KIRREL3: variants seen among roughly 807,000 people sequenced by gnomAD.
KIRREL3 encodes kirre like nephrin family adhesion molecule 3, also known as kin of IRRE-like protein 3.
KIRREL3 carries 36 observed loss-of-function variants against 89.7 expected under a neutral mutation model. The observed-to-expected ratio is 0.40, with a 90% CI of 0.31 to 0.53. The LOEUF is 0.53. KIRREL3 is among the 20% of genes least tolerant of loss of function. The pLI is 0.49. For synonymous variants in KIRREL3, 445 were observed against 441.4 expected, an observed-to-expected ratio of 1.01 and a Z score of -0.10; for missense variants, 864 against 1,056.6, an observed-to-expected ratio of 0.82 and a Z score of 2.53.
intron 1 of KIRREL3, among the ~76,000 whole-genome samples, chr11:126,774,747 C>T (rs1421952195): frequency 2.0e-5 from 3 of 152,160 alleles, no homozygotes; most frequent in African/African-American, 7.2e-5. Context: ...TTGGTTTCTC[C>T]AGGGCAGGGC....
rs1940119496 is a variant in KIRREL3, at chr11:126,561,500, G to A, written c.133+1335C>T. On this transcript the variant is annotated intron_variant, in intron 2 of 16. Transcript: ENST00000525144. The surrounding 1 kb of genome is among the most constrained non-coding windows in gnomAD (Gnocchi z 4.5). ...TCAGCACCACGGACAGAGGCACGCT[G>A]TCAGTTCCCACAAATTAGAAGTTAC... is the stretch of plus-strand genomic sequence containing the variant. 6.6e-6 allele frequency among the ~76,000 whole-genome samples: 1 copy of A among 152,148 alleles called. No homozygotes were observed. The highest frequency in any genetic ancestry group is 2.4e-5 in the African/African-American group (1 of 41,434).
Position 126,501,482 on chromosome 11 carries a change from C to T in KIRREL3, c.433+19833G>A, listed in dbSNP as rs534211518. Among the ~76,000 whole-genome samples, 6 of 152,246 alleles carry T rather than the reference C, an allele frequency of 3.9e-5. No individual in the cohort carries two copies. The highest frequency in any genetic ancestry group is 3.9e-4 in the East Asian group (2 of 5,188). On this transcript the variant is annotated intron_variant, in intron 4 of 16. Transcript: ENST00000525144. This position sits in a 1 kb window ranked among gnomAD's most constrained non-coding sequence, Gnocchi z 5.8. Reference sequence around the variant, plus strand: ...AGGTCGAGCAGATTCTACCGCAGCCCGTCCTGGGTCCTGTTGATGTGCTAC... The same window carrying T: ...AGGTCGAGCAGATTCTACCGCAGCCTGTCCTGGGTCCTGTTGATGTGCTAC...
chr11:126,568,698 T>C lies in KIRREL3; in HGVS notation c.56-5786A>G, dbSNP rs1196542346. ...TTCCTCATTTATAAAACGTTGATTCTAACGGTAAGACCCTCCTCACATGAT... is the reference window on the plus strand; with the variant it reads ...TTCCTCATTTATAAAACGTTGATTCCAACGGTAAGACCCTCCTCACATGAT... On this transcript the variant is annotated intron_variant, in intron 1 of 16. Transcript: ENST00000525144. This position sits in a 1 kb window ranked among gnomAD's most constrained non-coding sequence, Gnocchi z 4.6. Among the ~76,000 whole-genome samples the C allele has an allele frequency of 6.6e-6, 1 of 152,170 alleles. No homozygotes were observed. Among genetic ancestry groups the C allele is most frequent in the East Asian group, 1.9e-4 (1 of 5,176 alleles).
chr11:126,592,857 G>A (rs1942209396), intron 1 of KIRREL3, among the ~76,000 whole-genome samples: 1 of 152,178 alleles, frequency 6.6e-6, no homozygotes, highest in South Asian at 2.1e-4. Context: ...CTCAGCTCAG[G>A]CAGAAAAGGC....
chr11:126,754,149 A>C lies in KIRREL3; in HGVS notation c.56-191237T>G, dbSNP rs1255475927. 6.6e-6 allele frequency among the ~76,000 whole-genome samples: 1 copy of C among 152,228 alleles called. No homozygotes were observed. Among genetic ancestry groups the C allele is most frequent in the Non-Finnish European group, 1.5e-5 (1 of 68,030 alleles). ...TTAATTTAATTTGAAATATCAAATT[A>C]AATTAAACTGTAGAATAATCCCCAA... On this transcript the variant is annotated intron_variant, in intron 1 of 16. Transcript: ENST00000525144. The surrounding 1 kb of genome is among the most constrained non-coding windows in gnomAD (Gnocchi z 5.1).
rs1171306684 is a variant in KIRREL3 at position 126,768,170 on chromosome 11, A to ATCCATCC, written c.56-205259_56-205258insGGATGGA. 5.0e-5 allele frequency among the ~76,000 whole-genome samples: 4 copies of ATCCATCC among 80,012 alleles called. No homozygotes were observed. The highest frequency in any genetic ancestry group is 4.0e-4 in the Admixed American group (3 of 7,556). 52.5% of individuals were successfully genotyped at this position (80,012 alleles called of 152,430 possible). A position where few individuals can be genotyped will look rare whatever the true frequency, so the allele number is the denominator to read the frequency against. ...CATCCATCCATCCATCCATCCATCC[A>ATCCATCC]ATCCATCCATCCATCCATCCATCCA... On this transcript the variant is annotated intron_variant, in intron 1 of 16. Transcript: ENST00000525144. The surrounding 1 kb of genome is among the most constrained non-coding windows in gnomAD (Gnocchi z 4.5).
Position 126,697,058 on chromosome 11 carries a change from C to T in KIRREL3, c.56-134146G>A, listed in dbSNP as rs1947126703. 6.6e-6 allele frequency among the ~76,000 whole-genome samples: 1 copy of T among 152,182 alleles called. No individual in the cohort carries two copies. The highest frequency in any genetic ancestry group is 2.4e-5 in the African/African-American group (1 of 41,446). ...CCTGCACAAACCCACTGTTCTTTCG[C>T]TCAGGGTGCTCTGCCCTGCGACTCA... On this transcript the variant is annotated intron_variant, in intron 1 of 16. Transcript: ENST00000525144. This position sits in a 1 kb window ranked among gnomAD's most constrained non-coding sequence, Gnocchi z 4.2.
rs755463259 is a variant in KIRREL3, at chr11:126,456,336, C to T, written c.848+13G>A. The T allele has an allele frequency of 1.5e-5, 23 of 1,556,182 alleles. No individual in the cohort carries two copies. Among genetic ancestry groups the T allele is most frequent in the Non-Finnish European group, 1.8e-5 (21 of 1,145,476 alleles). ...CAGTGGCCAGGCCGGGCCCCCTCAGCAGTGACTCTCACCTGTACTGGGTGA... is the reference window on the plus strand; with the variant it reads ...CAGTGGCCAGGCCGGGCCCCCTCAGTAGTGACTCTCACCTGTACTGGGTGA... On this transcript the variant is annotated intron_variant, in intron 7 of 16. Transcript: ENST00000525144.
At chr11:126,604,889 C>G (rs1022968977) in intron 1 of KIRREL3, among the ~76,000 whole-genome samples, 1 of 152,232 alleles carries the variant, frequency 6.6e-6, no homozygotes, top group African/African-American at 2.4e-5. Flanking sequence ...AACCCCAAGC[C>G]CCCTCTCCTC....
intron 7 of KIRREL3, among the ~76,000 whole-genome samples, chr11:126,456,016 T>C (rs1280826101): frequency 6.7e-6 from 1 of 148,870 alleles, no homozygotes; most frequent in Non-Finnish European, 1.5e-5. Context: ...TTCTCCTGGT[T>C]GTTCTGGTTT....
In KIRREL3 at chr11:126,903,848, C is replaced by T. The variant is rs1168597141; in HGVS notation, c.55+96607G>A. Among the ~76,000 whole-genome samples, 1 of 152,186 alleles carries T rather than the reference C, an allele frequency of 6.6e-6. No homozygotes were observed. The highest frequency in any genetic ancestry group is 6.5e-5 in the Admixed American group (1 of 15,278). On this transcript the variant is annotated intron_variant, in intron 1 of 16. Coordinates refer to ENST00000525144, the MANE Select transcript of KIRREL3 (RefSeq NM_032531.4). The surrounding 1 kb of genome is among the most constrained non-coding windows in gnomAD (Gnocchi z 4.5). Reference sequence around the variant, plus strand: ...TAATATATTAGAAGTTCTATTGCTACCCCCTCTAGGGAGACTGGATTATTT... The same window carrying T: ...TAATATATTAGAAGTTCTATTGCTATCCCCTCTAGGGAGACTGGATTATTT...
At position 126,788,845 on chromosome 11, in the gene KIRREL3, C is replaced by A. The variant is rs1364942120; in HGVS notation, c.55+211610G>T. Among the ~76,000 whole-genome samples the A allele has an allele frequency of 1.3e-5, 2 of 152,140 alleles. No homozygotes were observed. The highest frequency in any genetic ancestry group is 2.9e-5 in the Non-Finnish European group (2 of 68,030). On this transcript the variant is annotated intron_variant, in intron 1 of 16. Transcript: ENST00000525144. This position sits in a 1 kb window ranked among gnomAD's most constrained non-coding sequence, Gnocchi z 4.1. Reference sequence around the variant, plus strand: ...ATAGACTCTTCGGTAGATTTCAGTTCCCAAATCATGACCTCCATGTGTAGA... The same window carrying A: ...ATAGACTCTTCGGTAGATTTCAGTTACCAAATCATGACCTCCATGTGTAGA...
At position 126,477,766 on chromosome 11, in the gene KIRREL3, C is replaced by T. The variant is rs1281753175; in HGVS notation, c.434-4300G>A. Among the ~76,000 whole-genome samples, 5 of 152,102 alleles carry T rather than the reference C, an allele frequency of 3.3e-5. No homozygotes were observed. The highest frequency in any genetic ancestry group is 7.2e-5 in the African/African-American group (3 of 41,412). On this transcript the variant is annotated intron_variant, in intron 4 of 16. Transcript: ENST00000525144. The surrounding 1 kb of genome is among the most constrained non-coding windows in gnomAD (Gnocchi z 4.8). ...CCTGGCTGGGCTTCCAGGAATTCCT[C>T]GATGCTCCATCAGCCTGGGATGGTT...
Position 126,795,223 on chromosome 11 carries a change from TG to T in KIRREL3, c.55+205231del, listed in dbSNP as rs753746418. Among the ~76,000 whole-genome samples the T allele has an allele frequency of 6.6e-6, 1 of 152,206 alleles. No homozygotes were observed. The highest frequency in any genetic ancestry group is 1.9e-4 in the East Asian group (1 of 5,198). ...GTACAGCATACAGAATGAACTCTAA[TG>T]TAAACTAGGGACTTCAATTCATAAC... is the stretch of plus-strand genomic sequence containing the variant. On this transcript the variant is annotated intron_variant, in intron 1 of 16. Coordinates refer to ENST00000525144, the MANE Select transcript of KIRREL3 (RefSeq NM_032531.4). The surrounding 1 kb of genome is among the most constrained non-coding windows in gnomAD (Gnocchi z 4.1).
chr11:126,960,637 G>C (rs1447732628), intron 1 of KIRREL3, among the ~76,000 whole-genome samples: 1 of 152,224 alleles, frequency 6.6e-6, no homozygotes, highest in Non-Finnish European at 1.5e-5. Context: ...CAAAATGCCA[G>C]ACAGAAGGCT....
chr11:126,807,626 C>T lies in KIRREL3; in HGVS notation c.55+192829G>A. 1.3e-5 allele frequency among the ~76,000 whole-genome samples: 2 copies of T among 152,190 alleles called. 1 individual carries two copies. Among genetic ancestry groups the T allele is most frequent in the African/African-American group, 4.8e-5 (2 of 41,444 alleles). On this transcript the variant is annotated intron_variant, in intron 1 of 16. Transcript: ENST00000525144. The surrounding 1 kb of genome is among the most constrained non-coding windows in gnomAD (Gnocchi z 4.3). ...ATTATGCTGTGCCCTTCCCCATCTC[C>T]ATGCCTTTAAACTTGTCACAGTTCC... is the stretch of plus-strand genomic sequence containing the variant.
rs1292607513 is a variant in KIRREL3 at position 126,568,939 on chromosome 11, A to G, written c.56-6027T>C. ...TTGCATACTTCCCAGGTTAGCACGT[A>G]GCCAACAGTGACATGGACTGGAAAT... is the stretch of plus-strand genomic sequence containing the variant. On this transcript the variant is annotated intron_variant, in intron 1 of 16. Transcript: ENST00000525144. This position sits in a 1 kb window ranked among gnomAD's most constrained non-coding sequence, Gnocchi z 4.6. Among the ~76,000 whole-genome samples, 1 of 152,112 alleles carries G rather than the reference A, an allele frequency of 6.6e-6. No individual in the cohort carries two copies. The highest frequency in any genetic ancestry group is 1.5e-5 in the Non-Finnish European group (1 of 68,026).
At chr11:126,920,774 C>T (rs541400161) in intron 1 of KIRREL3, among the ~76,000 whole-genome samples, 1 of 152,322 alleles carries the variant, frequency 6.6e-6, no homozygotes, top group Non-Finnish European at 1.5e-5. Context: ...GTAGTTACAT[C>T]CTCGTCCTAA....
At chr11:126,936,863 A>T (rs560979960) in intron 1 of KIRREL3, 2 of 152,314 alleles carry the variant, frequency 1.3e-5, no homozygotes, top group East Asian at 3.9e-4. Context: ...ATTTACTAAA[A>T]TTCATTCAAT....
Sources: allele counts gnomAD v4.1 joint callset (sites outside exome capture counted in the v4.1 genomes callset), GRCh38; gene constraint gnomAD v4.1.1; non-coding constraint Gnocchi (gnomAD v3.1); transcripts MANE v1.5; gene names NCBI Gene and HGNC (gene_info 2026-07-23, HGNC 2026-07-21).